The following MAX variants were observed in gnomAD, a reference collection of about 807,000 sequenced individuals.
The protein encoded by MAX is MYC associated transcriptional regulator X, also known as protein max.
Under a neutral mutation model 22.3 loss-of-function variants are expected in MAX, and 3 were observed. The ratio of observed to expected loss-of-function variants is 0.13; its 90% CI spans 0.06 to 0.35. MAX has a LOEUF of 0.35. MAX is among the 10% of genes least tolerant of loss of function. The probability of loss-of-function intolerance (pLI) is 1.00; values close to 1 mark genes in which losing one functional copy is unlikely to be tolerated. For missense variants in MAX, 119 were observed against 209.4 expected, an observed-to-expected ratio of 0.57 and a Z score of 2.66; for synonymous variants, 72 against 77.7, an observed-to-expected ratio of 0.93 and a Z score of 0.39.
At position 65,075,160 on chromosome 14, in the gene MAX, AGTAAAGGG is replaced by A. The variant is rs2063026301; in HGVS notation, c.*1308_*1315del. ...AATAAGTTTTTATTTATAGTCTTAT[AGTAAAGGG>A]GGAAGCCTTAACTTGCAAGACAATT... is the stretch of plus-strand genomic sequence containing the variant. On this transcript the variant is annotated 3_prime_UTR_variant, in exon 5 of 5. Transcript: ENST00000358664. The surrounding 1 kb of genome is among the most constrained non-coding windows in gnomAD (Gnocchi z 4.1). The A allele has an allele frequency of 9.7e-7, 1 of 1,029,326 alleles. No individual in the cohort carries two copies. Among genetic ancestry groups the A allele is most frequent in the African/African-American group, 1.7e-5 (1 of 59,006 alleles). 63.8% of individuals were successfully genotyped at this position (1,029,326 alleles called of 1,614,324 possible).
rs2139656883 is a variant in MAX, at chr14:65,047,896, A to G, written c.172-41612T>C. On this transcript the variant is annotated intron_variant, in intron 3 of 3. Coordinates refer to the MAX transcript ENST00000341653. This position sits in a 1 kb window ranked among gnomAD's most constrained non-coding sequence, Gnocchi z 5.2. ...CGAGATGTACACAGCTTTTCCTGGA[A>G]CCCTACACAAAACCCCTTGAACAAT... Among the ~76,000 whole-genome samples, 1 of 151,992 alleles carries G rather than the reference A, an allele frequency of 6.6e-6. No individual in the cohort carries two copies. Among genetic ancestry groups the G allele is most frequent in the East Asian group, 1.9e-4 (1 of 5,180 alleles).
chr14:65,046,035 C>T lies in MAX; in HGVS notation c.172-39751G>A, dbSNP rs536099442. Among the ~76,000 whole-genome samples the T allele has an allele frequency of 2.6e-4, 39 of 151,922 alleles. 1 individual carries two copies. Among genetic ancestry groups the T allele is most frequent in the Non-Finnish European group, 4.6e-4 (31 of 67,958 alleles). ...GGAGTTTCACTCTTGTTGCCCAGGC[C>T]GGAGTGCAATGGATCACTGCAACCT... is the stretch of plus-strand genomic sequence containing the variant. On this transcript the variant is annotated intron_variant, in intron 3 of 3. Coordinates refer to the MAX transcript ENST00000341653.
chr14:65,015,473 G>A (rs2061755302), intron 3 of MAX: 1 of 321,974 alleles, frequency 3.1e-6, no homozygotes, highest in East Asian at 5.1e-5. Context: ...AGGCCACAAA[G>A]CAAAGTGTCC....
At chr14:65,053,625 T>TAAAAAAAAAACAAAAA (rs201558638) in intron 3 of MAX, among the ~76,000 whole-genome samples, 2,024 of 146,000 alleles carry the variant, frequency 0.014, 35 homozygotes, top group African/African-American at 0.052. Flanking sequence ...CTTCTTTTTT[T>TAAAAAAAAAACAAAAA]TAAAAAAAAC....
At chr14:65,033,963 A>G (rs2062139521) in intron 3 of MAX, among the ~76,000 whole-genome samples, 1 of 152,248 alleles carries the variant, frequency 6.6e-6, no homozygotes, top group Admixed American at 6.5e-5. Context: ...TCAAAGTAGT[A>G]TGTATTACCA....
chr14:65,061,189 T>C, intron 3 of MAX: 1 of 1,614,106 alleles, frequency 6.2e-7, no homozygotes, highest in Non-Finnish European at 8.5e-7. Flanking sequence ...AGCAGCCCAC[T>C]CACCCAGTGT....
At position 65,032,619 on chromosome 14, in the gene MAX, C is replaced by G; in HGVS notation, c.172-26335G>C. On this transcript the variant is annotated intron_variant, in intron 3 of 3. Transcript: ENST00000341653. The surrounding 1 kb of genome is among the most constrained non-coding windows in gnomAD (Gnocchi z 5.0). ...GTTTCTGTCTTTCCAGAAGCGCATA[C>G]TGTGCTGCCTCCGTAGCCTCGCTGA... The G allele has an allele frequency of 2.5e-6, 4 of 1,613,820 alleles. No homozygotes were observed. Among genetic ancestry groups the G allele is most frequent in the Non-Finnish European group, 3.4e-6 (4 of 1,179,998 alleles).
intron 1 of MAX, chr14:65,101,790 G>A (rs763067328): frequency 6.7e-6 from 4 of 592,950 alleles, no homozygotes; most frequent in Non-Finnish European, 8.9e-6. Context: ...CCTCCTTCCG[G>A]GATCCGACCT....
At chr14:65,064,530 G>GAACA (rs2062911960) in intron 3 of MAX, among the ~76,000 whole-genome samples, 1 of 152,174 alleles carries the variant, frequency 6.6e-6, no homozygotes, top group South Asian at 2.1e-4. Context: ...CATCCTGTTG[G>GAACA]GGTCAGGTTC....
intron 3 of MAX, among the ~76,000 whole-genome samples, chr14:65,010,885 C>G (rs532843176): frequency 1.3e-5 from 2 of 152,142 alleles, no homozygotes; most frequent in Non-Finnish European, 2.9e-5. Flanking sequence ...AGTAGAGTAG[C>G]CATTAGCCAC....
intron 3 of MAX, among the ~76,000 whole-genome samples, chr14:65,055,219 A>G (rs918461540): frequency 3.3e-5 from 5 of 152,222 alleles, no homozygotes; most frequent in Non-Finnish European, 5.9e-5. Context: ...CTTTCCTGAA[A>G]AAACAATAGC....
At position 65,030,619 on chromosome 14, in the gene MAX, G is replaced by A. The variant is rs2062062130; in HGVS notation, c.172-24335C>T. ...TAGCCAGGTGTGGTGGCATGCATCT[G>A]TAGCCTCAGCTGCTTAGGAGGCTGA... On this transcript the variant is annotated intron_variant, in intron 3 of 3. Coordinates refer to the MAX transcript ENST00000341653. This position sits in a 1 kb window ranked among gnomAD's most constrained non-coding sequence, Gnocchi z 4.5. 6.6e-6 allele frequency among the ~76,000 whole-genome samples: 1 copy of A among 152,044 alleles called. No individual in the cohort carries two copies.
intron 2 of MAX, among the ~76,000 whole-genome samples, chr14:65,099,701 GA>G (rs33995031): frequency 1.3e-5 from 2 of 150,832 alleles, no homozygotes; most frequent in Admixed American, 6.6e-5. Context: ...GACTTGCAGG[GA>G]AAAAAAAAGT....
At chr14:65,026,077 T>C (rs1403140626) in intron 3 of MAX, among the ~76,000 whole-genome samples, 1 of 152,192 alleles carries the variant, frequency 6.6e-6, no homozygotes, top group Non-Finnish European at 1.5e-5. Flanking sequence ...GTAGGCTATG[T>C]AGTCTTTCTG....
In MAX at chr14:65,078,187, CTTTATTTA is replaced by C; in HGVS notation, c.172-159_172-152del. 1.3e-6 allele frequency: 1 copy of C among 752,314 alleles called. No homozygotes were observed. Among genetic ancestry groups the C allele is most frequent in the Non-Finnish European group, 2.2e-6 (1 of 458,372 alleles). The allele number at this position is 752,314 out of a possible 1,614,324, so 46.6% of individuals were successfully genotyped here. The stretch of plus-strand genomic sequence containing the variant: ...GAAATACAATAATGGCTACTGTAGG[CTTTATTTA>C]TTTATTTATTTTTTTATTTTTTTGA... On this transcript the variant is annotated intron_variant, in intron 3 of 4. Transcript: ENST00000358664. This position sits in a 1 kb window ranked among gnomAD's most constrained non-coding sequence, Gnocchi z 6.4.
chr14:65,008,663 G>A (rs1566866827), intron 3 of MAX, among the ~76,000 whole-genome samples: 4 of 152,218 alleles, frequency 2.6e-5, no homozygotes, highest in African/African-American at 9.7e-5. Context: ...CAGGCAGAGG[G>A]AACAGCATGT....
rs1279541575 is a variant in MAX, at chr14:65,062,868, C to T, written c.171+30840G>A. Among the ~76,000 whole-genome samples, 7 of 152,182 alleles carry T rather than the reference C, an allele frequency of 4.6e-5. No homozygotes were observed. Among genetic ancestry groups the T allele is most frequent in the South Asian group, 2.1e-4 (1 of 4,830 alleles). On this transcript the variant is annotated intron_variant, in intron 3 of 3. Transcript: ENST00000341653. This position sits in a 1 kb window ranked among gnomAD's most constrained non-coding sequence, Gnocchi z 4.3. ...AGTGGGAAGAGATGTTTTCCAAGCT[C>T]CCTGGGGTAATTCGGTATGCTATGT...
Position 65,062,880 on chromosome 14 carries a change from T to G in MAX, c.171+30828A>C, listed in dbSNP as rs2062890087. 6.6e-6 allele frequency among the ~76,000 whole-genome samples: 1 copy of G among 152,174 alleles called. No homozygotes were observed. The highest frequency in any genetic ancestry group is 1.5e-5 in the Non-Finnish European group (1 of 68,024). ...TGTTTTCCAAGCTCCCTGGGGTAATTCGGTATGCTATGTCCCAGCCCTCCA... is the reference window on the plus strand; with the variant it reads ...TGTTTTCCAAGCTCCCTGGGGTAATGCGGTATGCTATGTCCCAGCCCTCCA... On this transcript the variant is annotated intron_variant, in intron 3 of 3. Transcript: ENST00000341653. The surrounding 1 kb of genome is among the most constrained non-coding windows in gnomAD (Gnocchi z 4.3).
chr14:65,091,217 A>G (rs1006214338), intron 3 of MAX, among the ~76,000 whole-genome samples: 5 of 152,212 alleles, frequency 3.3e-5, no homozygotes, highest in Non-Finnish European at 5.9e-5. Flanking sequence ...CCACACTTAA[A>G]AAAACGCCAG....
Sources: allele counts gnomAD v4.1 joint callset (sites outside exome capture counted in the v4.1 genomes callset), GRCh38; gene constraint gnomAD v4.1.1; non-coding constraint Gnocchi (gnomAD v3.1); transcripts MANE v1.5; gene names NCBI Gene and HGNC (gene_info 2026-07-23, HGNC 2026-07-21).